SPTLC2: variants seen among roughly 807,000 people sequenced by gnomAD.
The protein encoded by SPTLC2 is serine palmitoyltransferase long chain base subunit 2, also known as serine palmitoyltransferase 2.
In SPTLC2, 21 loss-of-function variants were observed where a neutral mutation model predicts 62.0. The ratio of observed to expected loss-of-function variants is 0.34; its 90% CI spans 0.24 to 0.49. SPTLC2 has a LOEUF of 0.49. Ranked by LOEUF, SPTLC2 falls within the 20% of genes least tolerant of loss-of-function variation. The pLI is 0.99. For synonymous variants in SPTLC2, 261 were observed against 261.8 expected, an observed-to-expected ratio of 1.00 and a Z score of 0.03; for missense variants, 511 against 713.0, an observed-to-expected ratio of 0.72 and a Z score of 3.23.
chr14:77,595,865 C>T (rs2079844107), intron 2 of SPTLC2, among the ~76,000 whole-genome samples: 1 of 152,148 alleles, frequency 6.6e-6, no homozygotes, highest in Non-Finnish European at 1.5e-5. Context: ...GGTACATTTG[C>T]CTGGGCTAAA....
chr14:77,587,967 C>T (rs962941546), intron 2 of SPTLC2, among the ~76,000 whole-genome samples: 7 of 152,016 alleles, frequency 4.6e-5, no homozygotes, highest in African/African-American at 1.5e-4. Context: ...CAGTGTCTCA[C>T]TCTGTAACCC....
intron 2 of SPTLC2, among the ~76,000 whole-genome samples, chr14:77,595,860 A>T (rs1242459992): frequency 2.0e-5 from 3 of 152,138 alleles, no homozygotes; most frequent in African/African-American, 7.2e-5. Context: ...AATCTGGTAC[A>T]TTTGCCTGGG....
chr14:77,539,423 C>T (rs1279019646), intron 9 of SPTLC2, among the ~76,000 whole-genome samples: 1 of 145,312 alleles, frequency 6.9e-6, no homozygotes, highest in Non-Finnish European at 1.5e-5. Flanking sequence ...TGTAATCTAA[C>T]ACTAAGAAAC....
chr14:77,514,335 C>T (rs1035557137), intron 11 of SPTLC2, among the ~76,000 whole-genome samples: 48 of 152,270 alleles, frequency 3.2e-4, no homozygotes, highest in African/African-American at 1.1e-3. Flanking sequence ...ATCTAGATTA[C>T]AAGATTTCCT....
chr14:77,525,686 G>A (rs533016121), intron 9 of SPTLC2, among the ~76,000 whole-genome samples: 19 of 152,270 alleles, frequency 1.2e-4, no homozygotes, highest in Admixed American at 1.1e-3. Context: ...TGAAGCGGGC[G>A]GATCACAAGG....
At chr14:77,564,058 C>A (rs1042034200) in intron 5 of SPTLC2, among the ~76,000 whole-genome samples, 1 of 151,740 alleles carries the variant, frequency 6.6e-6, no homozygotes, top group Non-Finnish European at 1.5e-5. Context: ...TCGAGACCAG[C>A]CTGGCCAACA....
At chr14:77,539,529 G>A (rs1359276257) in intron 9 of SPTLC2, among the ~76,000 whole-genome samples, 1 of 114,484 alleles carries the variant, frequency 8.7e-6, no homozygotes, top group Non-Finnish European at 1.6e-5. Flanking sequence ...TCGTTGTGTC[G>A]CCCAGCCTGG....
chr14:77,509,142 G>A lies in SPTLC2; in HGVS notation c.*3142C>T, dbSNP rs1424874009. ...CCCTATCATGAATGTTTACGATAGT[G>A]ACTAAAGCACTACGATGGCTGGATT... On this transcript the variant is annotated 3_prime_UTR_variant, in exon 12 of 12. Coordinates refer to ENST00000216484, the MANE Select transcript of SPTLC2 (RefSeq NM_004863.4). The A allele has an allele frequency of 6.6e-6, 1 of 152,138 alleles. No individual in the cohort carries two copies. Among genetic ancestry groups the A allele is most frequent in the African/African-American group, 2.4e-5 (1 of 41,412 alleles). The allele number at this position is 152,138 out of a possible 1,614,324, so 9.4% of individuals were successfully genotyped here.
At chr14:77,606,383 G>GTGTT (rs2079905585) in intron 1 of SPTLC2, among the ~76,000 whole-genome samples, 5 of 151,814 alleles carry the variant, frequency 3.3e-5, no homozygotes, top group Admixed American at 3.3e-4. Context: ...CTGTGTGTGT[G>GTGTT]TGTGTGTGTG....
At chr14:77,606,641 AT>A (rs907454807) in intron 1 of SPTLC2, among the ~76,000 whole-genome samples, 10 of 151,396 alleles carry the variant, frequency 6.6e-5, no homozygotes, top group South Asian at 4.2e-4. Flanking sequence ...TAATCATTTC[AT>A]TTTTTTTTCC....
intron 1 of SPTLC2, among the ~76,000 whole-genome samples, chr14:77,611,240 T>C (rs138058347): frequency 0.026 from 3,864 of 151,008 alleles, 87 homozygotes; most frequent in South Asian, 0.079. Flanking sequence ...GAAGTAGAGC[T>C]TGCAGTGAGC....
intron 9 of SPTLC2, among the ~76,000 whole-genome samples, chr14:77,545,702 T>C (rs2079524892): frequency 7.0e-6 from 1 of 142,140 alleles, no homozygotes; most frequent in African/African-American, 2.5e-5. Flanking sequence ...TCAGACATAA[T>C]TCTGGGGGGA....
At chr14:77,586,816 C>T (rs957005264) in intron 2 of SPTLC2, among the ~76,000 whole-genome samples, 1 of 152,202 alleles carries the variant, frequency 6.6e-6, no homozygotes, top group African/African-American at 2.4e-5. Context: ...TGTTCAGCTT[C>T]ACTGGGCAAT....
chr14:77,535,074 T>G (rs796329551), intron 9 of SPTLC2, among the ~76,000 whole-genome samples: 1 of 152,146 alleles, frequency 6.6e-6, no homozygotes, highest in South Asian at 2.1e-4. Flanking sequence ...ATTACAGGCA[T>G]GCGCCACCAC....
At chr14:77,579,486 C>G (rs1487006248) in intron 2 of SPTLC2, among the ~76,000 whole-genome samples, 1 of 152,184 alleles carries the variant, frequency 6.6e-6, no homozygotes, top group African/African-American at 2.4e-5. Context: ...TGGTGGCTCA[C>G]GTCTGTAATC....
At chr14:77,541,610 T>C (rs1217058816) in intron 9 of SPTLC2, among the ~76,000 whole-genome samples, 2 of 152,196 alleles carry the variant, frequency 1.3e-5, no homozygotes, top group Non-Finnish European at 2.9e-5. Context: ...CCTTTGCTCA[T>C]CTTTTAAAAT....
chr14:77,582,201 C>T (rs1451155650), intron 2 of SPTLC2, among the ~76,000 whole-genome samples: 6 of 151,838 alleles, frequency 4.0e-5, no homozygotes, highest in Non-Finnish European at 7.4e-5. Flanking sequence ...TACAAGTGCC[C>T]GCCACCACAC....
chr14:77,534,178 TCACACA>T (rs199819444), intron 9 of SPTLC2, among the ~76,000 whole-genome samples: 2,277 of 114,934 alleles, frequency 0.02, 38 homozygotes, highest in South Asian at 0.051. Context: ...TCTCTCTCTC[TCACACA>T]CACACACACA....
intron 6 of SPTLC2, among the ~76,000 whole-genome samples, chr14:77,558,551 A>G (rs1443735792): frequency 6.6e-6 from 1 of 152,190 alleles, no homozygotes; most frequent in Admixed American, 6.5e-5. Flanking sequence ...AAATCTGCAT[A>G]CGACCTAATC....
Sources: allele counts gnomAD v4.1 joint callset (sites outside exome capture counted in the v4.1 genomes callset), GRCh38; gene constraint gnomAD v4.1.1; transcripts MANE v1.5; gene names NCBI Gene and HGNC (gene_info 2026-07-23, HGNC 2026-07-21).